Variants in CC2D2B observed in about 807,000 individuals in gnomAD.
CC2D2B encodes the protein coiled-coil and C2 domain containing 2B.
Under a neutral mutation model 161.2 loss-of-function variants are expected in CC2D2B, and 128 were observed. The ratio of observed to expected loss-of-function variants is 0.79; its 90% CI spans 0.69 to 0.92. The LOEUF is 0.92. CC2D2B is among the 40% of genes least tolerant of loss of function. The probability of loss-of-function intolerance (pLI) is 0.00; values close to 1 mark genes in which losing one functional copy is unlikely to be tolerated. For missense variants in CC2D2B, 1,173 were observed against 1,375.1 expected (o/e 0.85, Z 2.32); for synonymous variants, 391 against 449.8 (o/e 0.87, Z 1.65).
chr10:96,029,524 A>C (rs1409998162), intron 34 of CC2D2B, among the ~76,000 whole-genome samples: 3 of 151,430 alleles, frequency 2.0e-5, no homozygotes, highest in Non-Finnish European at 4.4e-5. Context: ...AAAACTAAGA[A>C]AAACCTCTAG....
At chr10:95,945,101 A>G (rs1393473561) in intron 9 of CC2D2B, among the ~76,000 whole-genome samples, 1 of 152,240 alleles carries the variant, frequency 6.6e-6, no homozygotes, top group African/African-American at 2.4e-5. Flanking sequence ...CACACTAGAC[A>G]TGAGATGTGG....
intron 22 of CC2D2B, among the ~76,000 whole-genome samples, chr10:95,994,476 G>A (rs1162619584): frequency 6.6e-6 from 1 of 152,220 alleles, no homozygotes; most frequent in Non-Finnish European, 1.5e-5. Context: ...GCCACAGGGA[G>A]GGGTTTAGGC....
At chr10:95,930,967 C>T (rs1369150238) in intron 6 of CC2D2B, among the ~76,000 whole-genome samples, 1 of 152,174 alleles carries the variant, frequency 6.6e-6, no homozygotes, top group African/African-American at 2.4e-5. Context: ...ATGATATCAG[C>T]TCCTCTTTGT....
At chr10:95,995,590 A>T (rs1459745558) in intron 23 of CC2D2B, among the ~76,000 whole-genome samples, 1 of 152,212 alleles carries the variant, frequency 6.6e-6, no homozygotes, top group Non-Finnish European at 1.5e-5. Flanking sequence ...CAAAATCTTC[A>T]GGCATCTGGC....
chr10:95,943,892 C>T (rs193124325), intron 9 of CC2D2B, among the ~76,000 whole-genome samples: 5 of 152,174 alleles, frequency 3.3e-5, no homozygotes, highest in Non-Finnish European at 7.4e-5. Context: ...CTTTGTTAAG[C>T]GTATTGAGGA....
At chr10:95,917,137 A>G (rs969025193) in intron 2 of CC2D2B, among the ~76,000 whole-genome samples, 1 of 152,136 alleles carries the variant, frequency 6.6e-6, no homozygotes, top group African/African-American at 2.4e-5. Flanking sequence ...CTTTTATATC[A>G]TGACCTTCTT....
At chr10:95,998,677 G>A (rs2078332300) in intron 24 of CC2D2B, among the ~76,000 whole-genome samples, 1 of 152,092 alleles carries the variant, frequency 6.6e-6, no homozygotes, top group Non-Finnish European at 1.5e-5. Flanking sequence ...AAGTCTGAAG[G>A]AAATCTGCTG....
chr10:95,913,992 T>A (rs1404885661), intron 2 of CC2D2B, among the ~76,000 whole-genome samples: 2 of 152,226 alleles, frequency 1.3e-5, no homozygotes, highest in African/African-American at 4.8e-5. Flanking sequence ...CATTTTTTGC[T>A]TTGATTGCCT....
chr10:96,008,555 CA>C (rs2078855438), intron 25 of CC2D2B, among the ~76,000 whole-genome samples: 1 of 152,100 alleles, frequency 6.6e-6, no homozygotes, highest in Admixed American at 6.5e-5. Context: ...CACTTTCTTA[CA>C]AACACTTGGT....
chr10:95,938,585 A>T lies in CC2D2B; in HGVS notation c.552A>T (p.Lys184Asn). 1 of 699,322 alleles carries T rather than the reference A, an allele frequency of 1.4e-6. No individual in the cohort carries two copies. Among genetic ancestry groups the T allele is most frequent in the Non-Finnish European group, 2.6e-6 (1 of 380,628 alleles). 43.3% of individuals were successfully genotyped at this position (699,322 alleles called of 1,614,324 possible). A position where few individuals can be genotyped will look rare whatever the true frequency, so the allele number is the denominator to read the frequency against. Reference sequence around the variant, plus strand: ...GTTATAAAGTGGTTAACCAGCGCAAACTGCCAAAAGATATGATGCCACGTA... The same window carrying T: ...GTTATAAAGTGGTTAACCAGCGCAATCTGCCAAAAGATATGATGCCACGTA... ...PSSSPVVNQR[K>N]LPKDMMPRIL... The change falls in exon 8 of 35, where the codon AAA becomes AAT. Residue 184 changes from lysine to asparagine, a missense_variant. Lys to Asn is a moderately conservative substitution (Grantham distance 94). This residue lies in a region of CC2D2B where 298 missense variants were observed against 261.2 expected (regional missense o/e 1.14). Coordinates refer to ENST00000646931, the MANE Select transcript of CC2D2B (RefSeq NM_001349008.3).
intron 20 of CC2D2B, 73 bp downstream of exon 20, chr10:95,988,415 T>C: frequency 1.6e-6 from 1 of 611,430 alleles, no homozygotes; most frequent in Non-Finnish European, 2.4e-6. Flanking sequence ...CATGGTATTA[T>C]AGTCCTTCCA....
At chr10:95,940,726 A>G (rs2141281653) in intron 9 of CC2D2B, among the ~76,000 whole-genome samples, 1 of 152,318 alleles carries the variant, frequency 6.6e-6, no homozygotes, top group South Asian at 2.1e-4. Flanking sequence ...TTAAAAATAA[A>G]GGACTAGTCA....
chr10:95,924,539 A>T (rs1054026072), intron 4 of CC2D2B, 149 bp downstream of exon 4: 42 of 589,526 alleles, frequency 7.1e-5, no homozygotes, highest in Middle Eastern at 9.0e-4. Context: ...CTATATATAT[A>T]TTTTCCTTTT....
chr10:96,030,256 G>T (rs2080009357), intron 34 of CC2D2B, among the ~76,000 whole-genome samples: 1 of 151,950 alleles, frequency 6.6e-6, no homozygotes, highest in African/African-American at 2.4e-5. Context: ...ATGGTAAAAA[G>T]ACATCTCAAA....
At chr10:96,009,787 A>G in intron 25 of CC2D2B, 38 bp from the exon 26 acceptor site, 3 of 914,364 alleles carry the variant, frequency 3.3e-6, no homozygotes, top group Non-Finnish European at 5.0e-6. Flanking sequence ...TCATCACATG[A>G]TATTAAGTAA....
At chr10:96,024,707 G>A (rs1322223456) in intron 32 of CC2D2B, 146 bp from the exon 33 acceptor site, 2 of 466,612 alleles carry the variant, frequency 4.3e-6, no homozygotes, top group Non-Finnish European at 8.0e-6. Flanking sequence ...AGAAAATGCT[G>A]TGGTCTGCAT....
chr10:95,935,061 G>T (rs2075769250), intron 6 of CC2D2B, among the ~76,000 whole-genome samples: 1 of 152,060 alleles, frequency 6.6e-6, no homozygotes, highest in African/African-American at 2.4e-5. Context: ...AGTAGAGATG[G>T]GGTTTCGCTG....
intron 12 of CC2D2B, among the ~76,000 whole-genome samples, chr10:95,964,103 G>A (rs1026953653): frequency 9.9e-5 from 15 of 152,142 alleles, no homozygotes; most frequent in African/African-American, 3.4e-4. Flanking sequence ...TCAGATAACT[G>A]CCAAAGAAAC....
chr10:95,981,146 C>A (rs1463037982), intron 17 of CC2D2B, among the ~76,000 whole-genome samples: 1 of 152,166 alleles, frequency 6.6e-6, no homozygotes, highest in Non-Finnish European at 1.5e-5. Context: ...GTAATCCCAG[C>A]ACTTTGGGAG....
Sources: allele counts gnomAD v4.1 joint callset (sites outside exome capture counted in the v4.1 genomes callset), GRCh38; gene constraint gnomAD v4.1.1; regional missense constraint gnomAD v4.1.1; transcripts MANE v1.5; gene names NCBI Gene and HGNC (gene_info 2026-07-23, HGNC 2026-07-21).